EXD3: variants seen among roughly 807,000 people sequenced by gnomAD.
EXD3 encodes exonuclease mut-7 homolog.
A neutral mutation model predicts 98.0 loss-of-function variants in EXD3; 92 were observed. The ratio of observed to expected loss-of-function variants is 0.94; its 90% confidence interval spans 0.79 to 1.12. The LOEUF is 1.12. EXD3 is among the 50% of genes most tolerant of loss of function. EXD3 has a pLI of 0.00. For missense variants in EXD3, 1,222 were observed against 1,191.6 expected (o/e 1.03, Z -0.38); for synonymous variants, 569 against 526.0 (o/e 1.08, Z -1.12).
chr9:137,409,196 A>AGAGGCCT (rs1485464383), intron 1 of EXD3, among the ~76,000 whole-genome samples: 1 of 152,110 alleles, frequency 6.6e-6, no homozygotes, highest in East Asian at 1.9e-4. Context: ...GAGGAGGAGG[A>AGAGGCCT]GAGGCCTGAG....
chr9:137,397,444 GGAT>G (rs1162597564), intron 1 of EXD3, among the ~76,000 whole-genome samples: 1 of 152,174 alleles, frequency 6.6e-6, no homozygotes, highest in Non-Finnish European at 1.5e-5. Flanking sequence ...GCTCTTCAGA[GGAT>G]GATACCTAAA....
chr9:137,354,205 A>G (rs1027098219), intron 10 of EXD3, 134 bp downstream of exon 10: 20 of 1,473,206 alleles, frequency 1.4e-5, no homozygotes, highest in Admixed American at 2.1e-5. Context: ...ACACGCCCCA[A>G]CATGGGGTCT....
At chr9:137,382,462 G>A (rs868281744) in intron 3 of EXD3, among the ~76,000 whole-genome samples, 2 of 152,148 alleles carry the variant, frequency 1.3e-5, no homozygotes, top group African/African-American at 2.4e-5. Context: ...AAGACTGAGC[G>A]TCACAGACGA....
At chr9:137,384,858 G>A (rs558061807) in intron 2 of EXD3, among the ~76,000 whole-genome samples, 141 of 152,302 alleles carry the variant, frequency 9.3e-4, no homozygotes, top group Admixed American at 4.4e-3. Context: ...TTGGGAGGCC[G>A]AGGCAGGTGG....
intron 17 of EXD3, among the ~76,000 whole-genome samples, chr9:137,328,113 C>T (rs1285425902): frequency 2.0e-5 from 3 of 152,188 alleles, no homozygotes; most frequent in Admixed American, 6.5e-5. Context: ...CTAATATACA[C>T]CCATATGATG....
chr9:137,343,790 G>A (rs1588302020), intron 17 of EXD3, among the ~76,000 whole-genome samples: 1 of 150,130 alleles, frequency 6.7e-6, no homozygotes, highest in African/African-American at 2.5e-5. Flanking sequence ...GGGTTTCCCC[G>A]TGTTAGCCAG....
In EXD3 at chr9:137,403,671, G is replaced by C. The variant is rs950133778; in HGVS notation, c.-47-8267C>G. ...AATTGGCCTTGGGGGAGATGGACCA[G>C]CAGGCCCGAGATCCAGGGTCTTAGG... On this transcript the variant is annotated intron_variant, in intron 1 of 21. Coordinates refer to ENST00000340951, the MANE Select transcript of EXD3 (RefSeq NM_017820.5). This position sits in a 1 kb window ranked among gnomAD's most constrained non-coding sequence, Gnocchi z 6.1. 2.6e-5 allele frequency among the ~76,000 whole-genome samples: 4 copies of C among 152,128 alleles called. No individual in the cohort carries two copies. The highest frequency in any genetic ancestry group is 1.3e-4 in the Admixed American group (2 of 15,266).
At chr9:137,373,728 A>T in intron 3 of EXD3, 129 bp from the exon 4 acceptor site, 1 of 1,101,302 alleles carries the variant, frequency 9.1e-7, no homozygotes, top group Non-Finnish European at 1.3e-6. Flanking sequence ...TTCAGCCGCC[A>T]TCTGCGCCTC....
chr9:137,374,131 G>A (rs1365964079), intron 3 of EXD3, among the ~76,000 whole-genome samples: 2 of 152,280 alleles, frequency 1.3e-5, no homozygotes, highest in Non-Finnish European at 2.9e-5. Flanking sequence ...GGCCCTCGCT[G>A]CTGTGCAGCA....
At chr9:137,353,533 T>C (rs1292586478) in intron 10 of EXD3, 6 of 985,976 alleles carry the variant, frequency 6.1e-6, no homozygotes, top group Non-Finnish European at 6.0e-6. Flanking sequence ...GGGTGCCCTC[T>C]GGGTGGCAAT....
intron 1 of EXD3, among the ~76,000 whole-genome samples, chr9:137,417,854 G>A (rs1838311990): frequency 6.6e-6 from 1 of 152,184 alleles, no homozygotes. Context: ...CCGTCAGGCG[G>A]GGAGGAAAGG....
rs971916574 is a variant in EXD3, at chr9:137,324,944, G to A, written c.1999-801C>T. On this transcript the variant is annotated intron_variant, in intron 17 of 21. Coordinates refer to ENST00000340951, the MANE Select transcript of EXD3 (RefSeq NM_017820.5). The surrounding 1 kb of genome is among the most constrained non-coding windows in gnomAD (Gnocchi z 4.1). Reference sequence around the variant, plus strand: ...CCTGACCTCGTGATCTGCCCGCCTCGGCCTCCCAAAGTGCTGGGATTACAG... The same window carrying A: ...CCTGACCTCGTGATCTGCCCGCCTCAGCCTCCCAAAGTGCTGGGATTACAG... 6.6e-6 allele frequency among the ~76,000 whole-genome samples: 1 copy of A among 152,010 alleles called. No individual in the cohort carries two copies. Among genetic ancestry groups the A allele is most frequent in the South Asian group, 2.1e-4 (1 of 4,818 alleles).
rs1832293658 is a variant in EXD3 at position 137,324,717 on chromosome 9, G to A, written c.1999-574C>T. On this transcript the variant is annotated intron_variant, in intron 17 of 21. Coordinates refer to ENST00000340951, the MANE Select transcript of EXD3 (RefSeq NM_017820.5). This position sits in a 1 kb window ranked among gnomAD's most constrained non-coding sequence, Gnocchi z 4.1. ...AAGGATTTTTTTTGTTTTTTAGACG[G>A]AGTCTCGCTCTTTCGCCCAGGCCGG... is the stretch of plus-strand genomic sequence containing the variant. Among the ~76,000 whole-genome samples, 2 of 152,226 alleles carry A rather than the reference G, an allele frequency of 1.3e-5. No individual in the cohort carries two copies. Among genetic ancestry groups the A allele is most frequent in the Non-Finnish European group, 2.9e-5 (2 of 68,046 alleles).
At chr9:137,353,892 C>G in intron 10 of EXD3, 1 of 992,648 alleles carries the variant, frequency 1.0e-6, no homozygotes, top group Non-Finnish European at 1.2e-6. Context: ...TGGGTTCCCA[C>G]GTGGACGACA....
At chr9:137,370,086 G>C (rs1445155554) in intron 5 of EXD3, among the ~76,000 whole-genome samples, 1 of 152,186 alleles carries the variant, frequency 6.6e-6, no homozygotes, top group Admixed American at 6.5e-5. Context: ...CAGAGCCCAG[G>C]CTTGCTCATG....
At chr9:137,369,691 G>A (rs1414438461) in intron 5 of EXD3, among the ~76,000 whole-genome samples, 6 of 152,244 alleles carry the variant, frequency 3.9e-5, no homozygotes, top group Non-Finnish European at 5.9e-5. Context: ...CTGAGCCCAA[G>A]AAGGCCGCCT....
chr9:137,349,549 T>C lies in EXD3; in HGVS notation c.1495-18A>G. ...ACCCGCATCTGCTAAGACAGTGCCC[T>C]GCAGGGTAACGCGTCTGGCCCTGGC... On this transcript the variant is annotated intron_variant, in intron 14 of 21. Transcript: ENST00000340951. This position sits in a 1 kb window ranked among gnomAD's most constrained non-coding sequence, Gnocchi z 7.4. The C allele has an allele frequency of 6.4e-7, 1 of 1,555,886 alleles. No homozygotes were observed. Among genetic ancestry groups the C allele is most frequent in the Non-Finnish European group, 8.7e-7 (1 of 1,151,652 alleles).
In EXD3 at chr9:137,332,080, A is replaced by C. The variant is rs543603289; in HGVS notation, c.1999-7937T>G. Among the ~76,000 whole-genome samples the C allele has an allele frequency of 1.0e-3, 156 of 152,332 alleles. 1 individual carries two copies. Among genetic ancestry groups the C allele is most frequent in the Middle Eastern group, 3.4e-3 (1 of 294 alleles). Reference sequence around the variant, plus strand: ...AGAACTACAAAATACTGCTGAAAGAAATCATGAATGACGCAAACAAATGGA... The same window carrying C: ...AGAACTACAAAATACTGCTGAAAGACATCATGAATGACGCAAACAAATGGA... On this transcript the variant is annotated intron_variant, in intron 17 of 21. Transcript: ENST00000340951.
intron 1 of EXD3, among the ~76,000 whole-genome samples, chr9:137,417,467 C>T (rs1233747907): frequency 6.6e-6 from 1 of 152,158 alleles, no homozygotes; most frequent in Non-Finnish European, 1.5e-5. Flanking sequence ...GCGCGAGGGG[C>T]GGGAGGCGGC....
Sources: allele counts gnomAD v4.1 joint callset (sites outside exome capture counted in the v4.1 genomes callset), GRCh38; gene constraint gnomAD v4.1.1; non-coding constraint Gnocchi (gnomAD v3.1); transcripts MANE v1.5; gene names NCBI Gene and HGNC (gene_info 2026-07-23, HGNC 2026-07-21).